GHR: variants seen among roughly 807,000 people sequenced by gnomAD.
The protein encoded by GHR is GH receptor.
A neutral mutation model predicts 67.1 loss-of-function variants in GHR; 35 were observed. The observed-to-expected ratio is 0.52, with a 90% confidence interval of 0.40 to 0.69. GHR has a LOEUF of 0.69. Ranked by LOEUF, GHR falls within the 30% of genes least tolerant of loss-of-function variation. GHR has a pLI of 0.00. For missense variants in GHR, 792 were observed against 764.6 expected, an observed-to-expected ratio of 1.04 and a Z score of -0.42; for synonymous variants, 272 against 269.1, an observed-to-expected ratio of 1.01 and a Z score of -0.10.
At chr5:42,551,579 A>G (rs919485178) in intron 1 of GHR, among the ~76,000 whole-genome samples, 1 of 152,194 alleles carries the variant, frequency 6.6e-6, no homozygotes, top group African/African-American at 2.4e-5. Context: ...GTTAAATGTG[A>G]GAAGGGATGG....
rs1340705152 is a variant in GHR, at chr5:42,656,504, CTT to C, written c.136+27403_136+27404del. On this transcript the variant is annotated intron_variant, in intron 3 of 9. Coordinates refer to ENST00000230882, the MANE Select transcript of GHR (RefSeq NM_000163.5). ...TTGCAACATCACCTCTAAAGCCTATCTTTGCACTCCTGTCCATCCCCCATTCT... is the reference window on the plus strand; with the variant it reads ...TTGCAACATCACCTCTAAAGCCTATCTGCACTCCTGTCCATCCCCCATTCT... Among the ~76,000 whole-genome samples the C allele has an allele frequency of 5.9e-5, 9 of 152,218 alleles. No homozygotes were observed. The East Asian group carries it at 1.7e-3, about 29-fold the overall frequency.
chr5:42,453,412 A>G (rs1014210450), intron 1 of GHR, among the ~76,000 whole-genome samples: 26 of 152,122 alleles, frequency 1.7e-4, no homozygotes, highest in Non-Finnish European at 3.8e-4. Flanking sequence ...AAGTGGGTAG[A>G]TGTAATACCC....
intron 3 of GHR, among the ~76,000 whole-genome samples, chr5:42,643,916 C>T (rs1477993222): frequency 6.6e-6 from 1 of 151,856 alleles, no homozygotes; most frequent in Non-Finnish European, 1.5e-5. Context: ...TTTAATACCT[C>T]AAGGGAAATA....
chr5:42,530,094 A>T (rs11957616), intron 1 of GHR, among the ~76,000 whole-genome samples: 26,799 of 149,324 alleles, frequency 0.18, 2,661 homozygotes, highest in Middle Eastern at 0.26. Flanking sequence ...TATATATTCA[A>T]GGTGTATGAC....
Position 42,711,272 on chromosome 5 carries a change from G to C in GHR, c.684G>C (p.Val228=). 6.2e-7 allele frequency: 1 copy of C among 1,612,448 alleles called. No individual in the cohort carries two copies. Among genetic ancestry groups the C allele is most frequent in the Non-Finnish European group, 8.5e-7 (1 of 1,178,504 alleles). ...YSLKVDKEYE[V]RVRSKQRNSG... ...TGAAAGTGGATAAGGAATATGAAGT[G>C]CGTGTGAGATCCAAACAACGAAACT... Residue 228 remains valine (V), a synonymous_variant, in exon 7 of 10, where the codon GTG becomes GTC. Transcript: ENST00000230882.
intron 2 of GHR, among the ~76,000 whole-genome samples, chr5:42,626,740 A>G (rs758998589): frequency 5.4e-4 from 82 of 152,166 alleles, no homozygotes; most frequent in Non-Finnish European, 1.0e-3. Context: ...GATTTTAGGA[A>G]CTGTGTCAAG....
At chr5:42,565,645 G>A in intron 1 of GHR, 1 of 985,216 alleles carries the variant, frequency 1.0e-6, no homozygotes, top group African/African-American at 1.7e-5. Context: ...TATTTCCTGA[G>A]ACTAGCACTC....
At chr5:42,606,850 T>C (rs766677424) in intron 2 of GHR, among the ~76,000 whole-genome samples, 2 of 152,046 alleles carry the variant, frequency 1.3e-5, no homozygotes, top group Admixed American at 6.5e-5. Context: ...CCTGAGGGAA[T>C]TGGGGTAGGA....
chr5:42,581,802 C>T (rs62371986), intron 2 of GHR, among the ~76,000 whole-genome samples: 4 of 152,154 alleles, frequency 2.6e-5, no homozygotes, highest in Non-Finnish European at 5.9e-5. Context: ...AAGCCCAGTG[C>T]TCTTCAGGCA....
chr5:42,497,145 C>G (rs1746355248), intron 1 of GHR, among the ~76,000 whole-genome samples: 1 of 152,166 alleles, frequency 6.6e-6, no homozygotes, highest in Non-Finnish European at 1.5e-5. Context: ...CCATTCATTC[C>G]TAAGTTACTT....
chr5:42,479,980 G>T (rs1415599780), intron 1 of GHR, among the ~76,000 whole-genome samples: 8 of 151,670 alleles, frequency 5.3e-5, no homozygotes, highest in Non-Finnish European at 1.2e-4. Context: ...TGTGATGTTA[G>T]GGTGTCAATT....
chr5:42,683,053 G>A (rs940398617), intron 3 of GHR, among the ~76,000 whole-genome samples: 3 of 151,954 alleles, frequency 2.0e-5, no homozygotes, highest in African/African-American at 7.3e-5. Flanking sequence ...CCAGACTGGA[G>A]TGCAGTGGCG....
At chr5:42,588,513 C>T (rs1050996851) in intron 2 of GHR, among the ~76,000 whole-genome samples, 2 of 64,414 alleles carry the variant, frequency 3.1e-5, no homozygotes, top group Non-Finnish European at 6.2e-5. Context: ...GCAGCAAAAG[C>T]GAAACTCCAT....
intron 6 of GHR, among the ~76,000 whole-genome samples, chr5:42,705,403 C>A (rs1758128111): frequency 1.3e-5 from 2 of 151,844 alleles, no homozygotes; most frequent in South Asian, 4.2e-4. Context: ...TTATTTTTTA[C>A]TTTTTAACTA....
intron 1 of GHR, among the ~76,000 whole-genome samples, chr5:42,490,087 A>G (rs1029703335): frequency 2.6e-5 from 4 of 152,240 alleles, no homozygotes; most frequent in Admixed American, 2.0e-4. Context: ...AAAACATGAA[A>G]TGAACTTCTT....
chr5:42,636,007 G>C (rs1489944767), intron 3 of GHR, among the ~76,000 whole-genome samples: 1 of 151,920 alleles, frequency 6.6e-6, no homozygotes, highest in African/African-American at 2.4e-5. Flanking sequence ...TCAGGAGATG[G>C]AGACCATCAT....
chr5:42,646,385 T>C, intron 3 of GHR: 1 of 453,874 alleles, frequency 2.2e-6, no homozygotes, highest in Non-Finnish European at 4.4e-6. Flanking sequence ...TCTGGCTCAC[T>C]GGGTGAGGTT....
At chr5:42,495,369 C>T (rs910971602) in intron 1 of GHR, among the ~76,000 whole-genome samples, 1 of 151,998 alleles carries the variant, frequency 6.6e-6, no homozygotes, top group African/African-American at 2.4e-5. Context: ...GTCTCCATCC[C>T]CTCAGTGATT....
chr5:42,688,078 G>A (rs1179714947), intron 3 of GHR, among the ~76,000 whole-genome samples: 1 of 152,076 alleles, frequency 6.6e-6, no homozygotes, highest in East Asian at 1.9e-4. Flanking sequence ...GTTTAGAGTG[G>A]GCATCTATTT....
Sources: gnomAD v4.1 joint callset for allele counts (sites outside exome capture counted in the v4.1 genomes callset) on GRCh38, gnomAD v4.1.1 for gene constraint, MANE v1.5 for transcripts, NCBI Gene and HGNC (gene_info 2026-07-23, HGNC 2026-07-21) for gene names.